SEC24C: variants seen among roughly 807,000 people sequenced by gnomAD.
SEC24C encodes SEC24 homolog C, COPII component.
A neutral mutation model predicts 117.0 loss-of-function variants in SEC24C; 22 were observed. The ratio of observed to expected loss-of-function variants is 0.19; its 90% CI spans 0.13 to 0.27. The LOEUF is 0.27. Among genes scored for constraint, SEC24C ranks in the 10% least tolerant of loss-of-function variants. SEC24C has a pLI of 1.00. For missense variants in SEC24C, 1,155 were observed against 1,375.1 expected (o/e 0.84, Z 2.53); for synonymous variants, 506 against 529.4 (o/e 0.96, Z 0.61).
chr10:73,759,215 A>G (rs941651286), intron 3 of SEC24C, among the ~76,000 whole-genome samples: 2 of 151,452 alleles, frequency 1.3e-5, no homozygotes, highest in Non-Finnish European at 2.9e-5. Context: ...AAAAAGCTGG[A>G]CAATCAATCT....
At position 73,746,863 on chromosome 10, in the gene SEC24C, C is replaced by T. The variant is rs146510673; in HGVS notation, c.31C>T (p.Pro11Ser). The T allele has an allele frequency of 1.6e-5, 25 of 1,611,990 alleles. 1 individual carries two copies. The South Asian group carries it at 2.0e-4, about 13-fold the overall frequency. The change falls in exon 2 of 23, where the codon CCA (proline) becomes TCA (serine). Residue 11 changes from proline to serine, a missense_variant. Pro to Ser is a moderately conservative substitution (Grantham distance 74). Coordinates refer to ENST00000345254, the MANE Select transcript of SEC24C (RefSeq NM_198597.3). ...CGTCAACCAGTCAGTTCCACCTGTG[C>T]CACCATTTGGGCAGCCCCAGCCCAT... MNVNQSVPPV[P>S]PFGQPQPIYP...
Position 73,760,116 on chromosome 10 carries a change from C to T in SEC24C, c.580C>T (p.Gln194Ter). The T allele has an allele frequency of 6.2e-7, 1 of 1,614,106 alleles. No homozygotes were observed. The highest frequency in any genetic ancestry group is 1.3e-5 in the African/African-American group (1 of 75,034). The change falls in exon 5 of 23, where the codon CAA becomes TAA. Residue 194 changes from glutamine (Q) to a stop codon, truncating the protein, a stop_gained. Transcript: ENST00000345254. LOFTEE classifies it high-confidence loss of function. The part of the protein sequence containing the change: ...QGQAPPLSQA[Q>*]GHPGIQTPQR... ...CCAGGCTCCTCCCCTTAGCCAGGCC[C>T]AAGGTCATCCTGGGATCCAGACTCC...
At chr10:73,770,613 G>C in intron 21 of SEC24C, 96 bp from the exon 22 acceptor site, 2 of 1,513,666 alleles carry the variant, frequency 1.3e-6, no homozygotes, top group Non-Finnish European at 1.8e-6. Context: ...TTCTTCCCAG[G>C]TTTGCCTGTT....
chr10:73,761,997 A>G (rs1000928119), intron 6 of SEC24C: 2 of 748,280 alleles, frequency 2.7e-6, no homozygotes, highest in African/African-American at 3.6e-5. Context: ...CCAGCTGTTC[A>G]TGTCTAACTC....
Position 73,769,710 on chromosome 10 carries a change from G to A in SEC24C, c.2659G>A (p.Ala887Thr). The change falls in exon 19 of 23, where the codon GCT (alanine) becomes ACT (threonine). Residue 887 changes from alanine (A) to threonine (T), a missense_variant. Physicochemically the swap from Ala to Thr is moderately conservative, Grantham distance 58 (BLOSUM62 0). Transcript: ENST00000345254. This position sits in a 1 kb window ranked among gnomAD's most constrained non-coding sequence, Gnocchi z 4.5. ...CCTGGCCTGTTACAGAAAGAACTGT[G>A]CTAGCCCCTCCTCTGCAGGACAGGT... ...QILACYRKNC[A>T]SPSSAGQLIL... 1.2e-6 allele frequency: 2 copies of A among 1,614,214 alleles called. No individual in the cohort carries two copies. The highest frequency in any genetic ancestry group is 1.3e-5 in the African/African-American group (1 of 75,050).
At chr10:73,764,523 CAAAA>C (rs113069953) in intron 8 of SEC24C, among the ~76,000 whole-genome samples, 1 of 75,690 alleles carries the variant, frequency 1.3e-5, no homozygotes. Flanking sequence ...GACTCTGTCT[CAAAA>C]AAAAAAAAAA....
rs775410678 is a variant in SEC24C at position 73,769,441 on chromosome 10, G to A, written c.2519G>A (p.Arg840Gln). Residue 840 changes from arginine to glutamine, a missense_variant, in exon 18 of 23, where the codon CGA (arginine) becomes CAA (glutamine). Arg to Gln is a conservative substitution (Grantham distance 43). Transcript: ENST00000345254. This position sits in a 1 kb window ranked among gnomAD's most constrained non-coding sequence, Gnocchi z 4.5. Reference sequence around the variant, plus strand: ...TGCACCCAGCTGGCTGATCTATATCGAAACTGTGAGACTGACACGCTCATC... The same window carrying A: ...TGCACCCAGCTGGCTGATCTATATCAAAACTGTGAGACTGACACGCTCATC... The part of the protein sequence containing the change: ...NCCTQLADLY[R>Q]NCETDTLINY... The A allele has an allele frequency of 5.6e-6, 9 of 1,614,094 alleles. No homozygotes were observed. The highest frequency in any genetic ancestry group is 7.6e-6 in the Non-Finnish European group (9 of 1,180,024).
intron 6 of SEC24C, among the ~76,000 whole-genome samples, chr10:73,761,158 G>T (rs1361417786): frequency 6.6e-6 from 1 of 152,198 alleles, no homozygotes; most frequent in African/African-American, 2.4e-5. Flanking sequence ...TTGTCCTTCT[G>T]TGGAGCAGTG....
Position 73,766,175 on chromosome 10 carries a change from T to C in SEC24C, c.1572T>C (p.Cys524=). ...AIRTGLVRLL[C]EELKSLLDFL... The stretch of plus-strand genomic sequence containing the variant: ...GGACTGGTCTTGTTAGGCTCCTCTG[T>C]GAGGAGCTCAAGTCACTGTTAGACT... The change falls in exon 11 of 23, where the codon TGT becomes TGC. Residue 524 remains cysteine (C), a synonymous_variant. Transcript: ENST00000345254. 1.2e-6 allele frequency: 2 copies of C among 1,613,532 alleles called. No individual in the cohort carries two copies. The highest frequency in any genetic ancestry group is 1.7e-6 in the Non-Finnish European group (2 of 1,179,654).
At position 73,769,196 on chromosome 10, in the gene SEC24C, C is replaced by T; in HGVS notation, c.2424+44C>T. 2 of 1,608,852 alleles carry T rather than the reference C, an allele frequency of 1.2e-6. No homozygotes were observed. The highest frequency in any genetic ancestry group is 1.3e-5 in the African/African-American group (1 of 74,944). ...GGCTGGGCAGGAAGTGTTTCATTCGCTTGGTATAGAAGAGGGTGAGGAATG... is the reference window on the plus strand; with the variant it reads ...GGCTGGGCAGGAAGTGTTTCATTCGTTTGGTATAGAAGAGGGTGAGGAATG... On this transcript the variant is annotated intron_variant, in intron 17 of 22. Transcript: ENST00000345254. The surrounding 1 kb of genome is among the most constrained non-coding windows in gnomAD (Gnocchi z 4.5).
intron 2 of SEC24C, 78 bp downstream of exon 2, chr10:73,747,082 C>T: frequency 7.5e-7 from 1 of 1,334,456 alleles, no homozygotes; most frequent in Non-Finnish European, 1.0e-6. Flanking sequence ...ATTGCTCTAG[C>T]TAAGCTACCT....
At position 73,770,020 on chromosome 10, in the gene SEC24C, G is replaced by C; in HGVS notation, c.2862+5G>C. On this transcript the variant is annotated splice_donor_5th_base_variant and intron_variant, in intron 20 of 22. Transcript: ENST00000345254. ...TACCCTCGGCTCTTACCTTTGGTGC[G>C]ATTGAGGGTTGGAGTATGAGATCTT... The C allele has an allele frequency of 1.2e-6, 2 of 1,613,712 alleles. No homozygotes were observed. The highest frequency in any genetic ancestry group is 1.7e-6 in the Non-Finnish European group (2 of 1,179,692).
At chr10:73,764,087 T>TA in intron 8 of SEC24C, 104 bp downstream of exon 8, 1 of 1,409,920 alleles carries the variant, frequency 7.1e-7, no homozygotes, top group Non-Finnish European at 9.5e-7. Flanking sequence ...GAAGATATTT[T>TA]AGTTAGGCAG....
rs1589519682 is a variant in SEC24C at position 73,759,524 on chromosome 10, C to T, written c.309-98C>T. 7.4e-6 allele frequency: 7 copies of T among 942,196 alleles called. No homozygotes were observed. In the East Asian group the frequency reaches 2.2e-4, roughly 29 times the overall value. 58.4% of individuals were successfully genotyped at this position (942,196 alleles called of 1,614,324 possible). A position where few individuals can be genotyped will look rare whatever the true frequency, so the allele number is the denominator to read the frequency against. ...AACTCAGGGTGTGAGAGTAAGATGT[C>T]ACAAAACAATGTAGCTTCCTGTATG... is the stretch of plus-strand genomic sequence containing the variant. On this transcript the variant is annotated intron_variant, in intron 3 of 22. Transcript: ENST00000345254.
chr10:73,763,916 T>C lies in SEC24C; in HGVS notation c.1160T>C (p.Met387Thr), dbSNP rs151207669. 4.0e-3 allele frequency: 6,423 copies of C among 1,613,322 alleles called. 9 individuals are homozygous for C. The highest frequency in any genetic ancestry group is 4.7e-3 in the Non-Finnish European group (5,562 of 1,179,742). The change falls in exon 8 of 23, where the codon ATG becomes ACG. Residue 387 changes from methionine to threonine, a missense_variant. Met to Thr is a moderately conservative substitution (Grantham distance 81, BLOSUM62 -1). This residue lies in a region of SEC24C where 759 missense variants were observed against 992.3 expected (regional missense o/e 0.76). Coordinates refer to ENST00000345254, the MANE Select transcript of SEC24C (RefSeq NM_198597.3). ...TSYNIPCTSD[M>T]AKQAQVPLAA... Reference sequence around the variant, plus strand: ...TATAATATCCCTTGCACATCTGACATGGCTAAGCAGGCTCAGGTGCCCCTG... The same window carrying C: ...TATAATATCCCTTGCACATCTGACACGGCTAAGCAGGCTCAGGTGCCCCTG...
At position 73,746,900 on chromosome 10, in the gene SEC24C, A is replaced by G. The variant is rs1337384689; in HGVS notation, c.68A>G (p.Tyr23Cys). 1 of 1,613,928 alleles carries G rather than the reference A, an allele frequency of 6.2e-7. No homozygotes were observed. Among genetic ancestry groups the G allele is most frequent in the Non-Finnish European group, 8.5e-7 (1 of 1,179,918 alleles). Residue 23 changes from tyrosine (Y) to cysteine (C), a missense_variant, in exon 2 of 23, where the codon TAT (tyrosine) becomes TGT (cysteine). Transcript: ENST00000345254. ...FGQPQPIYPG[Y>C]HQSSYGGQSG... is the part of the protein sequence containing the mutation. ...CAGCCCCAGCCCATCTACCCAGGGTATCATCAGTCCAGCTATGGTGGGCAA... is the reference window on the plus strand; with the variant it reads ...CAGCCCCAGCCCATCTACCCAGGGTGTCATCAGTCCAGCTATGGTGGGCAA...
chr10:73,769,508 G>A lies in SEC24C; in HGVS notation c.2563+23G>A. Reference sequence around the variant, plus strand: ...TTGGTGAGGGTAGAAGCAGGGCAGGGTGGGATTGGGGCTGAGAGGTCCAGG... The same window carrying A: ...TTGGTGAGGGTAGAAGCAGGGCAGGATGGGATTGGGGCTGAGAGGTCCAGG... On this transcript the variant is annotated intron_variant, in intron 18 of 22. Transcript: ENST00000345254. The surrounding 1 kb of genome is among the most constrained non-coding windows in gnomAD (Gnocchi z 4.5). 6.2e-7 allele frequency: 1 copy of A among 1,614,132 alleles called. No homozygotes were observed. The highest frequency in any genetic ancestry group is 8.5e-7 in the Non-Finnish European group (1 of 1,179,978).
intron 15 of SEC24C, 85 bp from the exon 16 acceptor site, chr10:73,768,725 G>A (rs1462896378): frequency 2.4e-6 from 3 of 1,245,080 alleles, no homozygotes; most frequent in African/African-American, 2.9e-5. Flanking sequence ...AGGTGGCCTT[G>A]TAGAGTGGAA....
At position 73,759,803 on chromosome 10, in the gene SEC24C, C is replaced by T. The variant is rs1196267356; in HGVS notation, c.481+9C>T. 1.9e-6 allele frequency: 3 copies of T among 1,559,716 alleles called. No homozygotes were observed. Among genetic ancestry groups the T allele is most frequent in the Non-Finnish European group, 2.6e-6 (3 of 1,157,296 alleles). ...TTCAGGGCTGGGCTTTGGTGAGTGGCTGTGAACACAGGAATGTTACTGTCC... is the reference window on the plus strand; with the variant it reads ...TTCAGGGCTGGGCTTTGGTGAGTGGTTGTGAACACAGGAATGTTACTGTCC... On this transcript the variant is annotated intron_variant, in intron 4 of 22. Coordinates refer to ENST00000345254, the MANE Select transcript of SEC24C (RefSeq NM_198597.3).
Sources: allele counts gnomAD v4.1 joint callset (sites outside exome capture counted in the v4.1 genomes callset), GRCh38; gene constraint gnomAD v4.1.1; regional missense constraint gnomAD v4.1.1; non-coding constraint Gnocchi (gnomAD v3.1); transcripts MANE v1.5; gene names NCBI Gene and HGNC (gene_info 2026-07-23, HGNC 2026-07-21).